ABCB6: variants seen among roughly 807,000 people sequenced by gnomAD.
ABCB6 encodes the protein ATP-binding cassette sub-family B member 6.
In ABCB6, 87 loss-of-function variants were observed where a neutral mutation model predicts 99.4. The ratio of observed to expected loss-of-function variants is 0.88; its 90% CI spans 0.74 to 1.05. The LOEUF is 1.05. Ranked by LOEUF, ABCB6 falls within the 50% of genes least tolerant of loss-of-function variation. The pLI is 0.00. For synonymous variants in ABCB6, 482 were observed against 447.5 expected, an observed-to-expected ratio of 1.08 and a Z score of -0.97; for missense variants, 1,050 against 1,097.9, an observed-to-expected ratio of 0.96 and a Z score of 0.62.
Position 219,216,680 on chromosome 2 carries a change from C to G in ABCB6, c.840G>C (p.Val280=), listed in dbSNP as rs1293509328. 1 of 1,571,994 alleles carries G rather than the reference C, an allele frequency of 6.4e-7. No individual in the cohort carries two copies. Among genetic ancestry groups the G allele is most frequent in the Non-Finnish European group, 8.6e-7 (1 of 1,158,644 alleles). Reference sequence around the variant, plus strand: ...TGTTCCTATAGAATATAGGCACCAACACATTGAGTGCCCGTTCCAAACCCA... The same window carrying G: ...TGTTCCTATAGAATATAGGCACCAAGACATTGAGTGCCCGTTCCAAACCCA... ...GLMGLERALN[V]LVPIFYRNIV... The change falls in exon 3 of 19, where the codon GTG becomes GTC. Residue 280 remains valine, a synonymous_variant. Coordinates refer to ENST00000265316, the MANE Select transcript of ABCB6 (RefSeq NM_005689.4). This position sits in a 1 kb window ranked among gnomAD's most constrained non-coding sequence, Gnocchi z 4.2.
At chr2:219,213,095 G>A in intron 12 of ABCB6, 30 bp from the exon 13 acceptor site, 2 of 1,612,374 alleles carry the variant, frequency 1.2e-6, no homozygotes, top group East Asian at 4.5e-5. Context: ...TGCTCAGCAG[G>A]CACCTTCCAT....
At chr2:219,214,740 TCAGACTTAACGTGACAAGAATG>T (rs1559237121) in intron 6 of ABCB6, 199 bp downstream of exon 6, 1 of 641,490 alleles carries the variant, frequency 1.6e-6, no homozygotes. Flanking sequence ...TGTCCACGGC[TCAGACTTAACGTGACAAGAATG>T]TCCTTCCCCA....
chr2:219,212,864 A>G, intron 13 of ABCB6, 144 bp downstream of exon 13: 1 of 945,288 alleles, frequency 1.1e-6, no homozygotes, highest in Non-Finnish European at 1.7e-6. Flanking sequence ...AGAGGTCACC[A>G]GTGTCCATGG....
Position 219,218,934 on chromosome 2 carries a change from C to A in ABCB6, c.-261G>T. 1 of 436,180 alleles carries A rather than the reference C, an allele frequency of 2.3e-6. No homozygotes were observed. The highest frequency in any genetic ancestry group is 4.4e-5 in the Admixed American group (1 of 22,602). 27.0% of individuals were successfully genotyped at this position (436,180 alleles called of 1,614,324 possible). ...CGCTGGCTCTGGGCCCGGGACCCTC[C>A]TGCCAACTGCAGGCCCACGGGAATG... On this transcript the variant is annotated 5_prime_UTR_variant, in exon 1 of 19. In the 5' UTR this introduces an upstream ATG that the reference lacks. Transcript: ENST00000265316.
chr2:219,215,794 A>C (rs1950631786), intron 5 of ABCB6: 1 of 485,820 alleles, frequency 2.1e-6, no homozygotes, highest in African/African-American at 2.0e-5. Flanking sequence ...CTGAAAAAGT[A>C]AGTGCAGCTC....
At position 219,218,323 on chromosome 2, in the gene ABCB6, G is replaced by A. The variant is rs1045244675; in HGVS notation, c.351C>T (p.Ala117=). The A allele has an allele frequency of 4.3e-6, 7 of 1,613,156 alleles. No homozygotes were observed. The African/African-American group carries it at 8.0e-5, about 18-fold the overall frequency. ...LLLASVLESL[A]GACGLWLLVV... ...CAAGCAGCCACAGGCCACAGGCGCC[G>A]GCCAGACTCTCCAGCACGGAGGCCA... Residue 117 remains alanine (A), a synonymous_variant, in exon 1 of 19, where the codon GCC becomes GCT. Transcript: ENST00000265316.
rs1330396241 is a variant in ABCB6, at chr2:219,216,838, A to G, written c.688-6T>C. 6.2e-7 allele frequency: 1 copy of G among 1,608,816 alleles called. No homozygotes were observed. On this transcript the variant is annotated splice_region_variant and splice_polypyrimidine_tract_variant and intron_variant, in intron 2 of 18. Coordinates refer to ENST00000265316, the MANE Select transcript of ABCB6 (RefSeq NM_005689.4). This position sits in a 1 kb window ranked among gnomAD's most constrained non-coding sequence, Gnocchi z 4.2. Reference sequence around the variant, plus strand: ...TGTTGGGCTGCTGACCGAACCTAGGATGGTGAAACACGTAGGAAGGGAGCT... The same window carrying G: ...TGTTGGGCTGCTGACCGAACCTAGGGTGGTGAAACACGTAGGAAGGGAGCT...
chr2:219,213,413 A>G (rs1950601609), intron 11 of ABCB6, 26 bp downstream of exon 11: 1 of 1,613,950 alleles, frequency 6.2e-7, no homozygotes, highest in South Asian at 1.1e-5. Flanking sequence ...TCCCTCCCCA[A>G]ACCCTACTCC....
In ABCB6 at chr2:219,213,916, T is replaced by C; in HGVS notation, c.1488A>G (p.Leu496=). Residue 496 remains leucine (L), a synonymous_variant, in exon 9 of 19, where the codon TTA becomes TTG. Transcript: ENST00000265316. ...LEWKSSASLV[L]LNQTQNLVIG... ...TCACCAGGTTCTGGGTCTGATTTAG[T>C]AAAACCAGTGAAGCGCTCGACTTCC... 1 of 1,614,038 alleles carries C rather than the reference T, an allele frequency of 6.2e-7. No homozygotes were observed. The highest frequency in any genetic ancestry group is 8.5e-7 in the Non-Finnish European group (1 of 1,180,020).
chr2:219,209,976 TTTC>T lies in ABCB6; in HGVS notation c.2488_2490del (p.Glu830del). 6.2e-7 allele frequency: 1 copy of T among 1,613,910 alleles called. No homozygotes were observed. The highest frequency in any genetic ancestry group is 1.1e-5 in the South Asian group (1 of 91,046). Reference sequence around the variant, plus strand: ...GTCTGAGGCTTAGTGTCTTCAGAGGTTTCTTCCTGTCCCTGCTGCAGCTGCCAC... The same window carrying T: ...GTCTGAGGCTTAGTGTCTTCAGAGGTTTCCTGTCCCTGCTGCAGCTGCCAC... On this transcript the variant is annotated inframe_deletion, in exon 19 of 19. Transcript: ENST00000265316.
chr2:219,213,711 G>T (rs1240418907), intron 9 of ABCB6, 45 bp from the exon 10 acceptor site: 2 of 1,613,198 alleles, frequency 1.2e-6, no homozygotes, highest in African/African-American at 2.7e-5. Flanking sequence ...GGGCCTGCAG[G>T]CCGCTCTTCT....
In ABCB6 at chr2:219,209,800, G is replaced by C. The variant is rs559375312; in HGVS notation, c.*138C>G. 28 of 737,260 alleles carry C rather than the reference G, an allele frequency of 3.8e-5. No individual in the cohort carries two copies. In the East Asian group the frequency reaches 6.6e-4, roughly 17 times the overall value. 45.7% of individuals were successfully genotyped at this position (737,260 alleles called of 1,614,324 possible). ...AGTCCACATTTTTATTTCCCCAAAA[G>C]ATGTTTTTCGGAAAGGTCCCTTTCC... On this transcript the variant is annotated 3_prime_UTR_variant, in exon 19 of 19. Transcript: ENST00000265316.
At position 219,210,389 on chromosome 2, in the gene ABCB6, C is replaced by G; in HGVS notation, c.2343G>C (p.Val781=). The G allele has an allele frequency of 6.2e-7, 1 of 1,614,188 alleles. No individual in the cohort carries two copies. The highest frequency in any genetic ancestry group is 8.5e-7 in the Non-Finnish European group (1 of 1,180,030). The part of the protein sequence containing the change: ...KVCANRTTIV[V]AHRLSTVVNA... ...GGCCTGTAGTCCTGTACCTGTGTGC[C>G]ACTACGATGGTGGTGCGGTTGGCAC... The change falls in exon 17 of 19, where the codon GTG becomes GTC. Residue 781 remains valine (V), a synonymous_variant. Transcript: ENST00000265316.
Position 219,214,984 on chromosome 2 carries a change from A to G in ABCB6, c.1253T>C (p.Phe418Ser), listed in dbSNP as rs909111214. 2 of 1,614,046 alleles carry G rather than the reference A, an allele frequency of 1.2e-6. No homozygotes were observed. Among genetic ancestry groups the G allele is most frequent in the African/African-American group, 1.3e-5 (1 of 74,942 alleles). The change falls in exon 6 of 19, where the codon TTC (phenylalanine) becomes TCC (serine). Residue 418 changes from phenylalanine to serine, a missense_variant. Physicochemically the swap from Phe to Ser is radical, Grantham distance 155. Coordinates refer to ENST00000265316, the MANE Select transcript of ABCB6 (RefSeq NM_005689.4). ...FFNAWFGLIV[F>S]LCMSLYLTLT... is the part of the protein sequence containing the mutation. ...ACTGAGGTAAAGACTCATGCACAGG[A>G]ACACAATGAGGCCAAACCAGGCGTT...
In ABCB6 at chr2:219,215,990, G is replaced by A. The variant is rs892741911; in HGVS notation, c.1154+7C>T. 1 of 1,553,132 alleles carries A rather than the reference G, an allele frequency of 6.4e-7. No homozygotes were observed. Among genetic ancestry groups the A allele is most frequent in the Non-Finnish European group, 8.7e-7 (1 of 1,143,904 alleles). On this transcript the variant is annotated splice_region_variant and intron_variant, in intron 5 of 18. Coordinates refer to ENST00000265316, the MANE Select transcript of ABCB6 (RefSeq NM_005689.4). ...CCTCCCACATGCCCTTTCCACTGGG[G>A]CGGCACCTGAGCAGCCCTGTGACAC...
chr2:219,212,626 G>T, intron 13 of ABCB6, 135 bp from the exon 14 acceptor site: 5 of 686,856 alleles, frequency 7.3e-6, no homozygotes, highest in Non-Finnish European at 2.5e-6. Flanking sequence ...AGGTTCAAGC[G>T]ATTCTCTTGC....
chr2:219,216,675 A>T lies in ABCB6; in HGVS notation c.845T>A (p.Val282Glu). The T allele has an allele frequency of 4.5e-6, 7 of 1,567,680 alleles. No individual in the cohort carries two copies. Among genetic ancestry groups the T allele is most frequent in the Non-Finnish European group, 6.1e-6 (7 of 1,156,228 alleles). ...ACCAATGTTCCTATAGAATATAGGC[A>T]CCAACACATTGAGTGCCCGTTCCAA... is the stretch of plus-strand genomic sequence containing the variant. ...MGLERALNVL[V>E]PIFYRNIVNL... Residue 282 changes from valine (V) to glutamate (E), a missense_variant, in exon 3 of 19, where the codon GTG becomes GAG. Val to Glu is a moderately radical substitution (Grantham distance 121, BLOSUM62 -2). Coordinates refer to ENST00000265316, the MANE Select transcript of ABCB6 (RefSeq NM_005689.4). This position sits in a 1 kb window ranked among gnomAD's most constrained non-coding sequence, Gnocchi z 4.2.
At chr2:219,212,561 C>T in intron 13 of ABCB6, 70 bp from the exon 14 acceptor site, 1 of 1,220,774 alleles carries the variant, frequency 8.2e-7, no homozygotes, top group Non-Finnish European at 1.2e-6. Flanking sequence ...CTCACTCCGT[C>T]ACCCAGGCTG....
At chr2:219,210,869 AG>A in intron 15 of ABCB6, 46 bp from the exon 16 acceptor site, 3 of 1,612,508 alleles carry the variant, frequency 1.9e-6, no homozygotes, top group Non-Finnish European at 2.5e-6. Context: ...CGGAGGGAAC[AG>A]GGGTCAGGGA....
Sources: gnomAD v4.1 joint callset for allele counts on GRCh38, gnomAD v4.1.1 for gene constraint, Gnocchi (gnomAD v3.1) non-coding constraint, MANE v1.5 for transcripts, NCBI Gene and HGNC (gene_info 2026-07-23, HGNC 2026-07-21) for gene names.